The following GRIN2B variants were observed in gnomAD, a reference collection of about 807,000 sequenced individuals.
GRIN2B encodes glutamate receptor ionotropic, NMDA 2B.
Under a neutral mutation model 114.5 loss-of-function variants are expected in GRIN2B, and 5 were observed. The observed-to-expected ratio is 0.04, with a 90% CI of 0.02 to 0.09. The LOEUF is 0.09. GRIN2B is among the 10% of genes least tolerant of loss of function. The pLI, the probability that GRIN2B is intolerant of heterozygous loss-of-function variation, is 1.00. For missense variants in GRIN2B, 1,108 were observed against 1,943.5 expected (o/e 0.57, Z 8.08); for synonymous variants, 787 against 745.1 (o/e 1.06, Z -0.92).
Position 13,691,263 on chromosome 12 carries a change from G to A in GRIN2B, c.1011-15404C>T, listed in dbSNP as rs559924615. On this transcript the variant is annotated intron_variant, in intron 4 of 13. Transcript: ENST00000609686. ...ATGTCAGTATCTTCAGAGAGTCCCT[G>A]TGGGTCCATGCAAATAATGCCTGAA... Among the ~76,000 whole-genome samples, 123 of 152,296 alleles carry A rather than the reference G, an allele frequency of 8.1e-4. 1 individual carries two copies. Among genetic ancestry groups the A allele is most frequent in the Middle Eastern group, 6.8e-3 (2 of 294 alleles).
intron 2 of GRIN2B, among the ~76,000 whole-genome samples, chr12:13,920,440 A>T (rs1866804231): frequency 6.6e-6 from 1 of 152,230 alleles, no homozygotes; most frequent in Non-Finnish European, 1.5e-5. Flanking sequence ...AGACTGCTTT[A>T]TCCTAGGCAA....
At chr12:13,743,255 C>A (rs1013495897) in intron 4 of GRIN2B, among the ~76,000 whole-genome samples, 1 of 152,120 alleles carries the variant, frequency 6.6e-6, no homozygotes, top group Non-Finnish European at 1.5e-5. Flanking sequence ...TAGCTCAGAG[C>A]CCTTTTCTGC....
intron 5 of GRIN2B, among the ~76,000 whole-genome samples, chr12:13,668,776 G>A (rs888585995): frequency 6.6e-5 from 10 of 151,754 alleles, no homozygotes; most frequent in African/African-American, 9.7e-5. Flanking sequence ...ATCACAACAA[G>A]CACTTTTTTT....
Position 13,562,515 on chromosome 12 carries a change from C to T in GRIN2B, c.*268G>A. ...CCTTTCTCCGCTCTACCCTCCCCTG[C>T]TGAGAGGGCCCATGGCATCATCTCA... On this transcript the variant is annotated 3_prime_UTR_variant, in exon 14 of 14. Coordinates refer to ENST00000609686, the MANE Select transcript of GRIN2B (RefSeq NM_000834.5). The T allele has an allele frequency of 6.1e-6, 3 of 493,890 alleles. No individual in the cohort carries two copies. The highest frequency in any genetic ancestry group is 1.1e-5 in the Non-Finnish European group (3 of 274,128). 30.6% of individuals were successfully genotyped at this position (493,890 alleles called of 1,614,324 possible).
intron 4 of GRIN2B, among the ~76,000 whole-genome samples, chr12:13,711,546 A>G (rs1243202667): frequency 6.6e-6 from 1 of 152,062 alleles, no homozygotes; most frequent in Non-Finnish European, 1.5e-5. Flanking sequence ...AAAACAAACA[A>G]CCCCATCAAA....
Position 13,667,264 on chromosome 12 carries a change from G to A in GRIN2B, c.1125+8481C>T, listed in dbSNP as rs541351867. The stretch of plus-strand genomic sequence containing the variant: ...TATCTCAACAAAGTTAGAAGGCAGC[G>A]CACTGTATGAGAAGATCAAAAAGAG... On this transcript the variant is annotated intron_variant, in intron 5 of 13. Transcript: ENST00000609686. Among the ~76,000 whole-genome samples, 26 of 152,226 alleles carry A rather than the reference G, an allele frequency of 1.7e-4. No homozygotes were observed. In the South Asian group the frequency reaches 1.9e-3, roughly 11 times the overall value.
intron 3 of GRIN2B, among the ~76,000 whole-genome samples, chr12:13,842,510 T>C (rs1865395796): frequency 6.6e-6 from 1 of 152,242 alleles, no homozygotes; most frequent in Non-Finnish European, 1.5e-5. Flanking sequence ...GCATTCTGCA[T>C]ACCACTATTG....
chr12:13,667,814 A>G (rs1949991863), intron 5 of GRIN2B, among the ~76,000 whole-genome samples: 2 of 152,344 alleles, frequency 1.3e-5, no homozygotes, highest in East Asian at 1.9e-4. Flanking sequence ...ATTTTAAAAT[A>G]TAACTGCTAA....
At chr12:13,871,552 C>T (rs1375931115) in intron 2 of GRIN2B, among the ~76,000 whole-genome samples, 1 of 150,926 alleles carries the variant, frequency 6.6e-6, no homozygotes, top group East Asian at 1.9e-4. Flanking sequence ...TATAAGAAAC[C>T]AAGAAAATAA....
intron 2 of GRIN2B, among the ~76,000 whole-genome samples, chr12:13,869,936 T>C (rs1865880635): frequency 1.3e-5 from 2 of 152,182 alleles, no homozygotes; most frequent in Admixed American, 1.3e-4. Context: ...AATGAAAATA[T>C]GTATATGGAA....
intron 3 of GRIN2B, among the ~76,000 whole-genome samples, chr12:13,841,466 T>C (rs1865378129): frequency 6.6e-6 from 1 of 152,174 alleles, no homozygotes; most frequent in Non-Finnish European, 1.5e-5. Flanking sequence ...CGGAACCTCA[T>C]CAGTCTGTCA....
chr12:13,938,735 T>A (rs1358009168), intron 2 of GRIN2B, among the ~76,000 whole-genome samples: 1 of 152,120 alleles, frequency 6.6e-6, no homozygotes, highest in Admixed American at 6.6e-5. Context: ...AACTGGTGAG[T>A]AAAACTGACT....
At position 13,978,039 on chromosome 12, in the gene GRIN2B, T is replaced by C. The variant is rs116258288; in HGVS notation, c.-19+1889A>G. 8.3e-3 allele frequency among the ~76,000 whole-genome samples: 1,259 copies of C among 152,114 alleles called. 14 individuals carry two copies. The highest frequency in any genetic ancestry group is 0.029 in the African/African-American group (1,219 of 41,482). The stretch of plus-strand genomic sequence containing the variant: ...CTGAGATCCTGTCAAACAGCATCCT[T>C]GTCAAACCCATCACCAACAAACGAA... On this transcript the variant is annotated intron_variant, in intron 2 of 13. Transcript: ENST00000609686.
At chr12:13,594,570 T>C (rs553903158) in intron 10 of GRIN2B, among the ~76,000 whole-genome samples, 1 of 151,920 alleles carries the variant, frequency 6.6e-6, no homozygotes, top group African/African-American at 2.4e-5. Context: ...AAATACCTAA[T>C]GTAGATGACA....
At chr12:13,652,627 A>T (rs546452342) in intron 5 of GRIN2B, among the ~76,000 whole-genome samples, 20 of 152,228 alleles carry the variant, frequency 1.3e-4, no homozygotes, top group African/African-American at 4.8e-4. Context: ...GGAAAAAGAG[A>T]AGGAAGAGGC....
At chr12:13,654,216 G>A (rs1242467692) in intron 5 of GRIN2B, among the ~76,000 whole-genome samples, 1 of 152,088 alleles carries the variant, frequency 6.6e-6, no homozygotes, top group Non-Finnish European at 1.5e-5. Flanking sequence ...GAATTATTAT[G>A]ATAAGAGGTG....
intron 12 of GRIN2B, 57 bp downstream of exon 12, chr12:13,569,773 G>T (rs1948683947): frequency 9.3e-7 from 1 of 1,074,430 alleles, no homozygotes; most frequent in Non-Finnish European, 1.4e-6. Context: ...AAAGGTTGAT[G>T]TTTTGGACTG....
At chr12:13,770,432 A>T (rs573353173) in intron 3 of GRIN2B, among the ~76,000 whole-genome samples, 1 of 152,346 alleles carries the variant, frequency 6.6e-6, no homozygotes, top group African/African-American at 2.4e-5. Flanking sequence ...ACAAGGTAAG[A>T]TATTAAGTTT....
chr12:13,667,650 A>G (rs1321720743), intron 5 of GRIN2B, among the ~76,000 whole-genome samples: 2 of 152,186 alleles, frequency 1.3e-5, no homozygotes, highest in African/African-American at 2.4e-5. Context: ...TTTGAAAAAC[A>G]TTTAATAAAA....
Sources: allele counts gnomAD v4.1 joint callset (sites outside exome capture counted in the v4.1 genomes callset), GRCh38; gene constraint gnomAD v4.1.1; transcripts MANE v1.5; gene names NCBI Gene and HGNC (gene_info 2026-07-23, HGNC 2026-07-21).